The following SS18L1 variants were observed in gnomAD, a reference collection of about 807,000 sequenced individuals.
SS18L1 encodes calcium-responsive transactivator.
In SS18L1, 32 loss-of-function variants were observed where a neutral mutation model predicts 70.3. The ratio of observed to expected loss-of-function variants is 0.46; its 90% CI spans 0.34 to 0.61. The LOEUF (loss-of-function observed/expected upper bound fraction) is 0.61, where lower values mean the gene tolerates loss of function less well. Ranked by LOEUF, SS18L1 falls within the 20% of genes least tolerant of loss-of-function variation. The probability of loss-of-function intolerance (pLI) is 0.01; values close to 1 mark genes in which losing one functional copy is unlikely to be tolerated. For synonymous variants in SS18L1, 237 were observed against 229.7 expected, an observed-to-expected ratio of 1.03 and a Z score of -0.29; for missense variants, 430 against 542.1, an observed-to-expected ratio of 0.79 and a Z score of 2.05.
In SS18L1 at chr20:62,174,849, C is replaced by T. The variant is rs977704726; in HGVS notation, c.1164+205C>T. 3.8e-5 allele frequency: 55 copies of T among 1,454,790 alleles called. No individual in the cohort carries two copies. Among genetic ancestry groups the T allele is most frequent in the Non-Finnish European group, 4.8e-5 (53 of 1,100,288 alleles). 90.1% of individuals were successfully genotyped at this position (1,454,790 alleles called of 1,614,324 possible). On this transcript the variant is annotated intron_variant, in intron 10 of 10. Coordinates refer to ENST00000331758, the MANE Select transcript of SS18L1 (RefSeq NM_198935.3). This position sits in a 1 kb window ranked among gnomAD's most constrained non-coding sequence, Gnocchi z 4.1. ...CACCTCAGTCATCCAGCTGGCTTTT[C>T]ATACCCTAAGCTCACCGTTAGATCT...
In SS18L1 at chr20:62,146,605, A is replaced by ATTTTTTTTTTTTTTTTTTTTT. The variant is rs10673768; in HGVS notation, c.69+2717_69+2737dup. On this transcript the variant is annotated intron_variant, in intron 1 of 10. Coordinates refer to ENST00000331758, the MANE Select transcript of SS18L1 (RefSeq NM_198935.3). ...CATCCAGCGTGTCTCTGCTTTGATC[A>ATTTTTTTTTTTTTTTTTTTTT]TTTTTTTTTTTTTTTTTTTTTGAGA... Among the ~76,000 whole-genome samples the ATTTTTTTTTTTTTTTTTTTTT allele has an allele frequency of 4.6e-4, 37 of 79,722 alleles. 5 individuals are homozygous for ATTTTTTTTTTTTTTTTTTTTT. Among genetic ancestry groups the ATTTTTTTTTTTTTTTTTTTTT allele is most frequent in the Non-Finnish European group, 5.7e-4 (26 of 45,234 alleles). 52.3% of individuals were successfully genotyped at this position (79,722 alleles called of 152,430 possible).
At chr20:62,153,512 G>A (rs886398546) in intron 1 of SS18L1, among the ~76,000 whole-genome samples, 5 of 151,996 alleles carry the variant, frequency 3.3e-5, no homozygotes, top group South Asian at 2.1e-4. Flanking sequence ...GCACACCTGC[G>A]CTCCCCACTC....
chr20:62,149,743 C>T (rs895768779), intron 1 of SS18L1, among the ~76,000 whole-genome samples: 5 of 152,194 alleles, frequency 3.3e-5, no homozygotes, highest in African/African-American at 9.7e-5. Context: ...AGGCACTCAA[C>T]GAGCAAGGAA....
At chr20:62,164,726 A>G (rs6121930) in intron 7 of SS18L1, among the ~76,000 whole-genome samples, 8,419 of 152,194 alleles carry the variant, frequency 0.055, 748 homozygotes, top group African/African-American at 0.19. Context: ...GGCTTGTGGA[A>G]GGGATACTGA....
At chr20:62,173,515 G>C (rs189563847) in intron 9 of SS18L1, among the ~76,000 whole-genome samples, 1 of 152,192 alleles carries the variant, frequency 6.6e-6, no homozygotes, top group East Asian at 1.9e-4. Flanking sequence ...TTCAAGACCA[G>C]CCTGACCAAT....
chr20:62,159,194 C>T lies in SS18L1; in HGVS notation c.146+446C>T, dbSNP rs542022642. Among the ~76,000 whole-genome samples, 35 of 152,316 alleles carry T rather than the reference C, an allele frequency of 2.3e-4. No individual in the cohort carries two copies. Among genetic ancestry groups the T allele is most frequent in the African/African-American group, 8.2e-4 (34 of 41,576 alleles). On this transcript the variant is annotated intron_variant, in intron 2 of 10. Transcript: ENST00000331758. This position sits in a 1 kb window ranked among gnomAD's most constrained non-coding sequence, Gnocchi z 4.4. ...GGGCAGCTCTGTGGCCAACAGCCAG[C>T]GCACCAGGAGACAGCACCTACTCCA...
intron 1 of SS18L1, among the ~76,000 whole-genome samples, chr20:62,157,021 C>T (rs2057234980): frequency 6.6e-6 from 1 of 152,122 alleles, no homozygotes; most frequent in Non-Finnish European, 1.5e-5. Context: ...GGTGTCGCCT[C>T]TTCTCAGTCC....
At chr20:62,165,754 T>G (rs1370301304) in intron 8 of SS18L1, among the ~76,000 whole-genome samples, 1 of 151,496 alleles carries the variant, frequency 6.6e-6, no homozygotes, top group South Asian at 2.1e-4. Context: ...CATGCTGGGG[T>G]TGGGGGCACA....
intron 1 of SS18L1, among the ~76,000 whole-genome samples, chr20:62,144,226 TG>T (rs1208832991): frequency 6.6e-6 from 1 of 151,160 alleles, no homozygotes; most frequent in Non-Finnish European, 1.5e-5. Flanking sequence ...CGGCGCGCGC[TG>T]GGAACTGTCC....
Position 62,161,580 on chromosome 20 carries a change from G to A in SS18L1, c.376G>A (p.Gly126Arg), listed in dbSNP as rs1289064667. 2 of 1,606,652 alleles carry A rather than the reference G, an allele frequency of 1.2e-6. No homozygotes were observed. The highest frequency in any genetic ancestry group is 1.7e-5 in the Admixed American group (1 of 59,896). ...CCTCCTGCAGGGCCAGATTGGCAACGGTGAGTGCGGCGGGGGAGGAGGACG... is the reference window on the plus strand; with the variant it reads ...CCTCCTGCAGGGCCAGATTGGCAACAGTGAGTGCGGCGGGGGAGGAGGACG... ...SSLLQGQIGN[G>R]PSHVSMQQTA... The change falls in exon 4 of 11, where the codon GGG becomes AGG. Residue 126 changes from glycine to arginine, a missense_variant and splice_region_variant. Physicochemically the swap from Gly to Arg is moderately radical, Grantham distance 125. Coordinates refer to ENST00000331758, the MANE Select transcript of SS18L1 (RefSeq NM_198935.3). This position sits in a 1 kb window ranked among gnomAD's most constrained non-coding sequence, Gnocchi z 4.4.
At chr20:62,168,686 C>A (rs1043016329) in intron 8 of SS18L1, among the ~76,000 whole-genome samples, 7 of 152,112 alleles carry the variant, frequency 4.6e-5, no homozygotes, top group Non-Finnish European at 2.9e-5. Context: ...TGGTGGCATG[C>A]GCCTGTTGTC....
intron 10 of SS18L1, chr20:62,175,313 G>A: frequency 1.0e-6 from 1 of 985,434 alleles, no homozygotes. Context: ...GACAGGGACA[G>A]GTGGGCGTAG....
intron 1 of SS18L1, among the ~76,000 whole-genome samples, chr20:62,157,096 C>A (rs1363780448): frequency 6.6e-6 from 1 of 152,116 alleles, no homozygotes; most frequent in East Asian, 1.9e-4. Context: ...CCAGTGCTGC[C>A]CCCAGGTGGA....
intron 10 of SS18L1, among the ~76,000 whole-genome samples, chr20:62,176,628 A>G (rs1178790422): frequency 1.3e-5 from 2 of 152,188 alleles, no homozygotes; most frequent in African/African-American, 4.8e-5. Context: ...CAGCCTGGCC[A>G]ACATGGTGAA....
chr20:62,155,866 C>T (rs1440552587), intron 1 of SS18L1, among the ~76,000 whole-genome samples: 1 of 152,074 alleles, frequency 6.6e-6, no homozygotes, highest in Non-Finnish European at 1.5e-5. Flanking sequence ...TGTGCCCTCC[C>T]CATTCTGTCC....
At chr20:62,153,262 C>T (rs1178928569) in intron 1 of SS18L1, among the ~76,000 whole-genome samples, 1 of 152,210 alleles carries the variant, frequency 6.6e-6, no homozygotes, top group Non-Finnish European at 1.5e-5. Context: ...CCACTGGGTT[C>T]CTCCCACGAC....
rs1028207335 is a variant in SS18L1 at position 62,144,264 on chromosome 20, C to T, written c.69+375C>T. Among the ~76,000 whole-genome samples, 15 of 151,670 alleles carry T rather than the reference C, an allele frequency of 9.9e-5. No individual in the cohort carries two copies. The East Asian group carries it at 1.2e-3, about 12-fold the overall frequency. ...GGGCTATGCCGGGCGCACGGGGACCCCTCGGGGCCGGAGCCGCGGCGAGGG... is the reference window on the plus strand; with the variant it reads ...GGGCTATGCCGGGCGCACGGGGACCTCTCGGGGCCGGAGCCGCGGCGAGGG... On this transcript the variant is annotated intron_variant, in intron 1 of 10. Coordinates refer to ENST00000331758, the MANE Select transcript of SS18L1 (RefSeq NM_198935.3).
At chr20:62,160,286 G>T (rs2057301114) in intron 3 of SS18L1, among the ~76,000 whole-genome samples, 1 of 93,260 alleles carries the variant, frequency 1.1e-5, no homozygotes, top group Non-Finnish European at 1.9e-5. Context: ...ATGGGGAGAG[G>T]TGGGGTGGGG....
At chr20:62,151,162 T>G (rs1302958487) in intron 1 of SS18L1, among the ~76,000 whole-genome samples, 1 of 151,958 alleles carries the variant, frequency 6.6e-6, no homozygotes, top group Non-Finnish European at 1.5e-5. Context: ...TTTTGCCTGG[T>G]AGCCCCAGCC....
Sources: allele counts gnomAD v4.1 joint callset (sites outside exome capture counted in the v4.1 genomes callset), GRCh38; gene constraint gnomAD v4.1.1; non-coding constraint Gnocchi (gnomAD v3.1); transcripts MANE v1.5; gene names NCBI Gene and HGNC (gene_info 2026-07-23, HGNC 2026-07-21).